DNAH3: variants seen among roughly 807,000 people sequenced by gnomAD.
The protein encoded by DNAH3 is axonemal beta dynein heavy chain 3.
Under a neutral mutation model 432.5 loss-of-function variants are expected in DNAH3, and 332 were observed. The observed-to-expected ratio is 0.77, with a 90% CI of 0.70 to 0.84. The LOEUF is 0.84. Among genes scored for constraint, DNAH3 ranks in the 40% least tolerant of loss-of-function variants. DNAH3 has a pLI of 0.00. For synonymous variants in DNAH3, 1,956 were observed against 1,900.2 expected (o/e 1.03, Z -0.76); for missense variants, 4,861 against 5,114.0 (o/e 0.95, Z 1.51).
chr16:21,040,201 G>A (rs976838916), intron 32 of DNAH3, among the ~76,000 whole-genome samples: 2 of 151,900 alleles, frequency 1.3e-5, no homozygotes, highest in African/African-American at 4.8e-5. Flanking sequence ...TTCTGTGGAA[G>A]GCCCTAGGTG....
chr16:21,086,884 A>T (rs1328460366), exon 19 of DNAH3: 2 of 1,614,210 alleles, frequency 1.2e-6, no homozygotes, highest in Admixed American at 3.3e-5. Flanking sequence ...CCTGGGTTGC[A>T]GGAAATACTG....
intron 1 of DNAH3, among the ~76,000 whole-genome samples, chr16:21,146,755 T>C (rs1567874184): frequency 7.2e-6 from 1 of 139,456 alleles, no homozygotes; most frequent in African/African-American, 2.7e-5. Flanking sequence ...CCTGTTTCTT[T>C]TTTCTTTCTT....
At chr16:20,968,310 C>A (rs2085154094) in intron 52 of DNAH3, among the ~76,000 whole-genome samples, 1 of 152,092 alleles carries the variant, frequency 6.6e-6, no homozygotes, top group African/African-American at 2.4e-5. Context: ...CTCAAGTGAT[C>A]CACCCACCTC....
chr16:20,976,343 C>T lies in DNAH3; in HGVS notation c.8077-928G>A, dbSNP rs111380408. On this transcript the variant is annotated intron_variant, in intron 50 of 61. Coordinates refer to ENST00000261383, the Ensembl canonical transcript of DNAH3. Reference sequence around the variant, plus strand: ...ATGTGGCTGGGATTACAGGCATGTGCCACCACACCCAGCTAATTTTTGTAT... The same window carrying T: ...ATGTGGCTGGGATTACAGGCATGTGTCACCACACCCAGCTAATTTTTGTAT... Among the ~76,000 whole-genome samples, 310 of 152,228 alleles carry T rather than the reference C, an allele frequency of 2.0e-3. 2 individuals are homozygous for T. The highest frequency in any genetic ancestry group is 6.8e-3 in the African/African-American group (281 of 41,540).
At chr16:21,068,934 A>AT (rs1341596546) in intron 23 of DNAH3, among the ~76,000 whole-genome samples, 1 of 147,600 alleles carries the variant, frequency 6.8e-6, no homozygotes, top group Non-Finnish European at 1.5e-5. Context: ...TTTTTTTTTA[A>AT]TTTTTTTTGA....
At chr16:20,972,739 ATTTTTTTTT>A (rs34245316) in intron 51 of DNAH3, among the ~76,000 whole-genome samples, 10 of 95,974 alleles carry the variant, frequency 1.0e-4, no homozygotes, top group Non-Finnish European at 1.3e-4. Flanking sequence ...ATGCCCCGTG[ATTTTTTTTT>A]TTTTTTTTTT....
At chr16:21,113,098 G>A (rs971218187) in intron 12 of DNAH3, among the ~76,000 whole-genome samples, 7 of 152,086 alleles carry the variant, frequency 4.6e-5, no homozygotes. Context: ...CTAATGGGAA[G>A]GCATGGTTTG....
At chr16:21,071,453 C>T (rs1262090702) in intron 21 of DNAH3, among the ~76,000 whole-genome samples, 4 of 152,096 alleles carry the variant, frequency 2.6e-5, no homozygotes, top group Admixed American at 6.5e-5. Context: ...GGATTACAGG[C>T]TTGAGCCACT....
At chr16:20,936,266 C>T (rs2083586471) in intron 60 of DNAH3, among the ~76,000 whole-genome samples, 1 of 151,980 alleles carries the variant, frequency 6.6e-6, no homozygotes, top group African/African-American at 2.4e-5. Flanking sequence ...CATTTTCCTG[C>T]CTCAGCCTCC....
rs565998429 is a variant in DNAH3 at position 20,942,647 on chromosome 16, G to A, written c.11512-1104C>T. On this transcript the variant is annotated intron_variant, in intron 58 of 61. Coordinates refer to ENST00000261383, the Ensembl canonical transcript of DNAH3. Reference sequence around the variant, plus strand: ...GAAGGGAAGGGATGGGAGAGGAAGCGGGTGGAGTCAGGAGACGGTGGCTCT... The same window carrying A: ...GAAGGGAAGGGATGGGAGAGGAAGCAGGTGGAGTCAGGAGACGGTGGCTCT... 2.6e-5 allele frequency among the ~76,000 whole-genome samples: 4 copies of A among 152,278 alleles called. No individual in the cohort carries two copies. The South Asian group carries it at 6.2e-4, about 24-fold the overall frequency.
exon 43 of DNAH3, chr16:21,000,281 G>T (rs767589573): frequency 6.2e-7 from 1 of 1,614,106 alleles, no homozygotes; most frequent in Non-Finnish European, 8.5e-7. Flanking sequence ...TTCCGTCGTC[G>T]ATCCAGCTTG....
chr16:21,069,361 T>C, intron 23 of DNAH3, 54 bp downstream of exon 23: 2 of 1,509,036 alleles, frequency 1.3e-6, no homozygotes, highest in Non-Finnish European at 1.8e-6. Context: ...GAATGCATAA[T>C]GAGGAAACAT....
In DNAH3 at chr16:21,127,829, A is replaced by G. The variant is rs753261186; in HGVS notation, c.1083-17T>C. 6.2e-6 allele frequency: 10 copies of G among 1,613,676 alleles called. 1 individual carries two copies. The South Asian group carries it at 7.7e-5, about 12-fold the overall frequency. On this transcript the variant is annotated splice_polypyrimidine_tract_variant and intron_variant, in intron 7 of 61. Transcript: ENST00000261383. ...TCTCTGAATCTGCCAAAAGAGAGGG[A>G]GAAATTTCCTAAGCTAAAGAACGCT...
chr16:21,062,712 T>C, intron 24 of DNAH3, 29 bp from the exon 25 acceptor site: 5 of 1,584,100 alleles, frequency 3.2e-6, no homozygotes, highest in Non-Finnish European at 4.3e-6. Context: ...AGATGGTAAC[T>C]GGAACCTCTT....
intron 59 of DNAH3, 123 bp downstream of exon 59, chr16:20,941,278 C>T (rs2083797896): frequency 8.6e-7 from 1 of 1,164,258 alleles, no homozygotes; most frequent in Non-Finnish European, 1.2e-6. Flanking sequence ...CCCCTATTCA[C>T]ACCCCTAATA....
intron 12 of DNAH3, 21 bp downstream of exon 12, chr16:21,117,182 T>C (rs776129560): frequency 2.0e-6 from 3 of 1,538,366 alleles, no homozygotes; most frequent in Non-Finnish European, 2.7e-6. Flanking sequence ...ACATAGCTAA[T>C]AAATTTATAA....
At chr16:21,049,627 A>C in exon 31 of DNAH3, 1 of 1,614,194 alleles carries the variant, frequency 6.2e-7, no homozygotes, top group Non-Finnish European at 8.5e-7. Context: ...CAGCCCCTTG[A>C]AGAACTTCCC....
intron 9 of DNAH3, among the ~76,000 whole-genome samples, chr16:21,124,609 C>A (rs1162301111): frequency 6.6e-6 from 1 of 151,408 alleles, no homozygotes; most frequent in Non-Finnish European, 1.5e-5. Context: ...GTGGTCAGAT[C>A]ATGGTAATTA....
chr16:21,100,193 T>G (rs547847114), intron 16 of DNAH3, among the ~76,000 whole-genome samples: 1 of 152,244 alleles, frequency 6.6e-6, no homozygotes, highest in African/African-American at 2.4e-5. Context: ...AGCCACAGCC[T>G]CCCAAGTAGC....
Sources: allele counts gnomAD v4.1 joint callset (sites outside exome capture counted in the v4.1 genomes callset), GRCh38; gene constraint gnomAD v4.1.1; transcripts MANE v1.5; gene names NCBI Gene and HGNC (gene_info 2026-07-23, HGNC 2026-07-21).